Variants in SHANK2 observed in about 807,000 individuals in gnomAD.
The protein encoded by SHANK2 is SH3 and multiple ankyrin repeat domains protein 2.
A neutral mutation model predicts 133.7 loss-of-function variants in SHANK2; 43 were observed. That is an observed-to-expected ratio of 0.32 (90% CI 0.25 to 0.41). The LOEUF (loss-of-function observed/expected upper bound fraction) is 0.41, where lower values mean the gene tolerates loss of function less well. Ranked by LOEUF, SHANK2 falls within the 10% of genes least tolerant of loss-of-function variation. The pLI, the probability that SHANK2 is intolerant of heterozygous loss-of-function variation, is 1.00. For missense variants in SHANK2, 1,994 were observed against 2,235.8 expected (o/e 0.89, Z 2.18); for synonymous variants, 1,017 against 952.8 (o/e 1.07, Z -1.24).
intron 2 of SHANK2, among the ~76,000 whole-genome samples, chr11:71,205,770 T>C (rs111342554): frequency 4.5e-4 from 68 of 152,244 alleles, no homozygotes; most frequent in Non-Finnish European, 7.4e-5. Context: ...ATTTATCCAC[T>C]TGTTGGTGGC....
At chr11:71,163,093 A>AAACATATATATAT in intron 2 of SHANK2, among the ~76,000 whole-genome samples, 1,286 of 84,546 alleles carry the variant, frequency 0.015, 117 homozygotes, top group Non-Finnish European at 0.019. Flanking sequence ...AAAAAAAAAA[A>AAACATATATATAT]ATACATATAT....
chr11:71,131,077 G>A (rs1184066561), intron 3 of SHANK2, among the ~76,000 whole-genome samples: 6 of 152,372 alleles, frequency 3.9e-5, no homozygotes, highest in Non-Finnish European at 5.9e-5. Flanking sequence ...GCGCGCAGGC[G>A]TCTTCGGGTC....
intron 10 of SHANK2, among the ~76,000 whole-genome samples, chr11:70,921,162 G>A (rs1950345431): frequency 6.6e-6 from 1 of 152,176 alleles, no homozygotes; most frequent in Non-Finnish European, 1.5e-5. Flanking sequence ...AGTAGCTAGA[G>A]GCAGATGAAT....
chr11:71,140,326 G>T (rs1424286851), intron 3 of SHANK2, among the ~76,000 whole-genome samples: 1 of 152,182 alleles, frequency 6.6e-6, no homozygotes. Flanking sequence ...GTTAAATCTG[G>T]GCTGGAGCAG....
chr11:71,098,128 T>TGTACATGCCTGTGTGC (rs1951655452), intron 6 of SHANK2, among the ~76,000 whole-genome samples: 1 of 150,726 alleles, frequency 6.6e-6, no homozygotes, highest in African/African-American at 2.4e-5. Flanking sequence ...TGTATGTATG[T>TGTACATGCCTGTGTGC]GTACATGCCT....
intron 14 of SHANK2, among the ~76,000 whole-genome samples, chr11:70,780,418 T>C (rs1453410943): frequency 1.3e-5 from 2 of 152,136 alleles, no homozygotes; most frequent in African/African-American, 2.4e-5. Context: ...AATAGAGGCC[T>C]GGCTCTAAAT....
chr11:70,910,958 G>T (rs962557964), intron 10 of SHANK2: 4 of 456,618 alleles, frequency 8.8e-6, no homozygotes, highest in Admixed American at 7.0e-5. Context: ...CACATAATTC[G>T]ATTTTTGCTA....
intron 6 of SHANK2, among the ~76,000 whole-genome samples, chr11:71,106,523 C>T (rs1262474312): frequency 1.3e-5 from 2 of 152,210 alleles, no homozygotes. Flanking sequence ...GCTACTGTCT[C>T]CATGGATCAG....
intron 21 of SHANK2, among the ~76,000 whole-genome samples, chr11:70,493,374 A>T (rs1401150429): frequency 7.8e-6 from 1 of 127,756 alleles, no homozygotes; most frequent in Non-Finnish European, 1.7e-5. Flanking sequence ...CATTTCCTTT[A>T]AAAAAAAAAA....
intron 17 of SHANK2, among the ~76,000 whole-genome samples, chr11:70,518,329 T>G (rs2059290363): frequency 6.6e-6 from 1 of 152,190 alleles, no homozygotes; most frequent in Non-Finnish European, 1.5e-5. Context: ...CACACCACTG[T>G]ACTCCAGCCT....
intron 5 of SHANK2, among the ~76,000 whole-genome samples, chr11:71,111,464 A>C (rs1356223013): frequency 6.6e-6 from 1 of 152,234 alleles, no homozygotes; most frequent in African/African-American, 2.4e-5. Flanking sequence ...GCCTCGCTGT[A>C]AGAAAAGTCA....
chr11:70,704,793 T>C (rs1292436511), intron 14 of SHANK2, among the ~76,000 whole-genome samples: 1 of 152,206 alleles, frequency 6.6e-6, no homozygotes, highest in Non-Finnish European at 1.5e-5. Flanking sequence ...TTGTGGCTTG[T>C]GGTGGTCACT....
chr11:70,802,763 G>A lies in SHANK2; in HGVS notation c.1664-4207C>T, dbSNP rs1195930555. 2.0e-5 allele frequency among the ~76,000 whole-genome samples: 3 copies of A among 152,146 alleles called. No individual in the cohort carries two copies. In the South Asian group the frequency reaches 6.2e-4, roughly 32 times the overall value. ...CTACCTAATGTCACAGAGCAAAAAC[G>A]CTGGCGCCCCCTGTGCCCCCACCCC... On this transcript the variant is annotated intron_variant, in intron 13 of 25. Transcript: ENST00000601538.
intron 14 of SHANK2, among the ~76,000 whole-genome samples, chr11:70,716,903 C>CCT (rs1555027444): frequency 1.3e-5 from 2 of 150,814 alleles, no homozygotes; most frequent in African/African-American, 4.9e-5. Context: ...GAGCCCCCCC[C>CCT]CCGCCCAACT....
intron 2 of SHANK2, among the ~76,000 whole-genome samples, chr11:71,174,248 AAGAACACAGG>A (rs1299319457): frequency 1.3e-5 from 2 of 152,238 alleles, no homozygotes; most frequent in Admixed American, 6.5e-5. Context: ...AACAGTCATT[AAGAACACAGG>A]ACCAGGCACA....
At chr11:70,507,717 G>C (rs2059153256) in intron 17 of SHANK2, among the ~76,000 whole-genome samples, 1 of 152,204 alleles carries the variant, frequency 6.6e-6, no homozygotes, top group Admixed American at 6.5e-5. Context: ...TCAAACTTGG[G>C]CTTGCAAAAG....
chr11:71,092,824 C>G (rs1345874754), intron 7 of SHANK2, among the ~76,000 whole-genome samples: 1 of 151,982 alleles, frequency 6.6e-6, no homozygotes. Context: ...GTGGATCACC[C>G]GGGGTCAGGA....
chr11:70,548,322 G>A (rs2059720732), intron 17 of SHANK2, among the ~76,000 whole-genome samples: 1 of 152,226 alleles, frequency 6.6e-6, no homozygotes, highest in Admixed American at 6.5e-5. Flanking sequence ...TCTAACAATC[G>A]ATGGATGGCT....
At position 70,492,427 on chromosome 11, in the gene SHANK2, G is replaced by C. The variant is rs782290609; in HGVS notation, c.2347C>G (p.Arg783Gly). 7.4e-6 allele frequency: 12 copies of C among 1,613,862 alleles called. No homozygotes were observed. Among genetic ancestry groups the C allele is most frequent in the African/African-American group, 2.7e-5 (2 of 74,934 alleles). The change falls in exon 22 of 26, where the codon CGC becomes GGC. Residue 783 changes from arginine to glycine, a missense_variant. This residue lies in a region of SHANK2 where 488 missense variants were observed against 642.6 expected (regional missense o/e 0.76). Coordinates refer to ENST00000601538, the MANE Select transcript of SHANK2 (RefSeq NM_012309.5). ...TCCACAGCCATGTTCTCAGCAGCGC[G>C]GGAGGGCTTGGAGGCCGGGACTATC... ...EEIVPASKPS[R>G]AAENMAVEPR...
Sources: gnomAD v4.1 joint callset for allele counts (sites outside exome capture counted in the v4.1 genomes callset) on GRCh38, gnomAD v4.1.1 for gene constraint, gnomAD v4.1.1 regional missense constraint, MANE v1.5 for transcripts, NCBI Gene and HGNC (gene_info 2026-07-23, HGNC 2026-07-21) for gene names.